TRAP1: variants seen among roughly 807,000 people sequenced by gnomAD.
TRAP1 encodes heat shock protein 75 kDa, mitochondrial.
In TRAP1, 102 loss-of-function variants were observed where a neutral mutation model predicts 89.1. The observed-to-expected ratio is 1.15, with a 90% confidence interval of 0.98 to 1.35. The LOEUF (loss-of-function observed/expected upper bound fraction) is 1.35, where lower values mean the gene tolerates loss of function less well. TRAP1 is among the 40% of genes most tolerant of loss of function. The pLI, the probability that TRAP1 is intolerant of heterozygous loss-of-function variation, is 0.00. For synonymous variants in TRAP1, 508 were observed against 388.0 expected, an observed-to-expected ratio of 1.31 and a Z score of -3.64; for missense variants, 1,256 against 945.3, an observed-to-expected ratio of 1.33 and a Z score of -4.31.
chr16:3,664,581 G>C, intron 12 of TRAP1, 122 bp from the exon 13 acceptor site: 2 of 1,094,420 alleles, frequency 1.8e-6, no homozygotes, highest in Non-Finnish European at 2.6e-6. Flanking sequence ...GCCCTGACCC[G>C]AGGGACGGTA....
intron 2 of TRAP1, 79 bp from the exon 3 acceptor site, chr16:3,689,216 G>A (rs2151268585): frequency 6.3e-5 from 57 of 910,004 alleles, no homozygotes; most frequent in Middle Eastern, 3.1e-4. Flanking sequence ...ACATTCCAAA[G>A]AAAGCTTAAG....
intron 11 of TRAP1, among the ~76,000 whole-genome samples, chr16:3,669,249 C>A (rs1280940731): frequency 2.0e-5 from 3 of 152,172 alleles, no homozygotes; most frequent in African/African-American, 7.2e-5. Context: ...AGGGTCAGTA[C>A]ACCAAAGAGC....
chr16:3,663,622 A>T, intron 13 of TRAP1, 60 bp from the exon 14 acceptor site: 1 of 1,604,766 alleles, frequency 6.2e-7, no homozygotes, highest in Non-Finnish European at 8.5e-7. Flanking sequence ...CCACAGAAGA[A>T]AGGATGAGGG....
At chr16:3,673,224 TC>T (rs2050939390) in intron 9 of TRAP1, among the ~76,000 whole-genome samples, 2 of 152,174 alleles carry the variant, frequency 1.3e-5, no homozygotes, top group Non-Finnish European at 2.9e-5. Flanking sequence ...AGGAAAGATT[TC>T]AAAAAGGATG....
At chr16:3,658,888 A>G in intron 16 of TRAP1, 23 bp from the exon 17 acceptor site, 1 of 1,613,694 alleles carries the variant, frequency 6.2e-7, no homozygotes, top group East Asian at 2.2e-5. Flanking sequence ...ACCCACCAGA[A>G]AAAGCAGCTC....
intron 1 of TRAP1, among the ~76,000 whole-genome samples, chr16:3,692,133 C>T (rs1158122124): frequency 1.3e-5 from 2 of 152,204 alleles, no homozygotes; most frequent in Non-Finnish European, 2.9e-5. Flanking sequence ...GTGTCAAAGT[C>T]TAAGCCTAAA....
intron 16 of TRAP1, chr16:3,659,713 C>G (rs527735666): frequency 2.0e-5 from 3 of 151,996 alleles, no homozygotes; most frequent in Admixed American, 2.0e-4. Flanking sequence ...TCAGCCATTC[C>G]ATTTCCTAAC....
At position 3,662,035 on chromosome 16, in the gene TRAP1, T is replaced by C. The variant is rs764176395; in HGVS notation, c.1892A>G (p.Gln631Arg). 3.7e-6 allele frequency: 6 copies of C among 1,613,302 alleles called. No individual in the cohort carries two copies. Among genetic ancestry groups the C allele is most frequent in the Admixed American group, 1.7e-5 (1 of 60,006 alleles). The change falls in exon 16 of 18, where the codon CAG becomes CGG. Residue 631 changes from glutamine to arginine, a missense_variant. Transcript: ENST00000246957. ...CTGCAGGAGCTGTGCGCGCTCCTCC[T>C]GGGTCTTGGCCAGCTGCTGCATGCG... ...FLRMQQLAKT[Q>R]EERAQLLQPT... is the part of the protein sequence containing the mutation.
At chr16:3,694,038 G>T (rs1376548043) in intron 1 of TRAP1, among the ~76,000 whole-genome samples, 1 of 150,910 alleles carries the variant, frequency 6.6e-6, no homozygotes, top group East Asian at 2.0e-4. Flanking sequence ...TCTGGGCAGC[G>T]GTGCTTCCCA....
chr16:3,713,545 T>C (rs909141372), intron 1 of TRAP1, among the ~76,000 whole-genome samples: 11 of 152,240 alleles, frequency 7.2e-5, no homozygotes, highest in African/African-American at 2.7e-4. Context: ...TCTTAACGCC[T>C]GCACCAACCA....
chr16:3,670,602 G>T (rs1473845999), intron 11 of TRAP1, among the ~76,000 whole-genome samples: 1 of 152,074 alleles, frequency 6.6e-6, no homozygotes, highest in Non-Finnish European at 1.5e-5. Context: ...TACTTGGGAG[G>T]CTGAGGTGGA....
At chr16:3,714,789 C>T (rs1300219788) in intron 1 of TRAP1, among the ~76,000 whole-genome samples, 1 of 152,084 alleles carries the variant, frequency 6.6e-6, no homozygotes, top group African/African-American at 2.4e-5. Context: ...CGAGAGGATT[C>T]CACAGACATA....
intron 1 of TRAP1, among the ~76,000 whole-genome samples, chr16:3,712,858 C>T (rs2051550265): frequency 6.6e-6 from 1 of 152,192 alleles, no homozygotes; most frequent in African/African-American, 2.4e-5. Flanking sequence ...TCAAGTGATC[C>T]ACCCACCTCG....
At position 3,686,258 on chromosome 16, in the gene TRAP1, T is replaced by A. The variant is rs2051137389; in HGVS notation, c.331-122A>T. 4 of 1,192,740 alleles carry A rather than the reference T, an allele frequency of 3.4e-6. No homozygotes were observed. The South Asian group carries it at 6.2e-5, about 19-fold the overall frequency. 73.9% of individuals were successfully genotyped at this position (1,192,740 alleles called of 1,614,324 possible). On this transcript the variant is annotated intron_variant, in intron 3 of 17. Coordinates refer to ENST00000246957, the MANE Select transcript of TRAP1 (RefSeq NM_016292.3). The stretch of plus-strand genomic sequence containing the variant: ...AGGAGAATAGTCAATTCTCAAAGCA[T>A]AAAGAGTTTCTGCTTTAGTCAAAGG...
chr16:3,670,030 G>A (rs1037178687), intron 11 of TRAP1, among the ~76,000 whole-genome samples: 2 of 151,882 alleles, frequency 1.3e-5, no homozygotes, highest in Non-Finnish European at 2.9e-5. Flanking sequence ...GGGAAGTGGT[G>A]CAAATAAACT....
At chr16:3,675,673 G>T (rs895814562) in intron 7 of TRAP1, among the ~76,000 whole-genome samples, 1 of 152,202 alleles carries the variant, frequency 6.6e-6, no homozygotes, top group East Asian at 1.9e-4. Flanking sequence ...TTTCTGGGCT[G>T]ACTCCTGGGG....
chr16:3,683,205 A>C (rs879624602), intron 4 of TRAP1, among the ~76,000 whole-genome samples: 1 of 152,036 alleles, frequency 6.6e-6, no homozygotes, highest in Non-Finnish European at 1.5e-5. Flanking sequence ...AAAAACAAGG[A>C]AAGTCTGAGA....
In TRAP1 at chr16:3,661,973, GAGCGTGGCCTCACCTGGGGTTGATCTCC is replaced by G; in HGVS notation, c.1926_1940+13del. 1 of 1,590,952 alleles carries G rather than the reference GAGCGTGGCCTCACCTGGGGTTGATCTCC, an allele frequency of 6.3e-7. No individual in the cohort carries two copies. Among genetic ancestry groups the G allele is most frequent in the Non-Finnish European group, 8.6e-7 (1 of 1,166,556 alleles). On this transcript the variant is annotated splice_donor_variant and splice_donor_5th_base_variant and coding_sequence_variant and intron_variant, in exon 16 of 18. Transcript: ENST00000246957. LOFTEE classifies it high-confidence loss of function. The stretch of plus-strand genomic sequence containing the variant: ...GAATCCCACAGGCTGGAAGAGCCAG[GAGCGTGGCCTCACCTGGGGTTGATCTCC>G]AGCGTGGGCTGCAGGAGCTGTGCGC...
chr16:3,702,134 A>T (rs978229497), intron 1 of TRAP1, among the ~76,000 whole-genome samples: 2 of 149,394 alleles, frequency 1.3e-5, no homozygotes, highest in African/African-American at 2.6e-5. Flanking sequence ...GGCGGGGGAA[A>T]ATATGAGGCT....
Sources: allele counts gnomAD v4.1 joint callset (sites outside exome capture counted in the v4.1 genomes callset), GRCh38; gene constraint gnomAD v4.1.1; transcripts MANE v1.5; gene names NCBI Gene and HGNC (gene_info 2026-07-23, HGNC 2026-07-21).